Variants in ADRA1A observed in about 807,000 individuals in gnomAD.
ADRA1A encodes alpha-1A adrenergic receptor.
ADRA1A carries 31 observed loss-of-function variants against 29.6 expected under a neutral mutation model. The ratio of observed to expected loss-of-function variants is 1.05; its 90% CI spans 0.79 to 1.41. The LOEUF (loss-of-function observed/expected upper bound fraction) is 1.41, where lower values mean the gene tolerates loss of function less well. Among genes scored for constraint, ADRA1A ranks in the 40% most tolerant of loss-of-function variants. ADRA1A has a pLI of 0.00. For synonymous variants in ADRA1A, 311 were observed against 254.3 expected (o/e 1.22, Z -2.12); for missense variants, 619 against 601.1 (o/e 1.03, Z -0.31).
chr8:26,856,375 A>T (rs2130769344), intron 2 of ADRA1A, among the ~76,000 whole-genome samples: 1 of 152,354 alleles, frequency 6.6e-6, no homozygotes, highest in Middle Eastern at 3.4e-3. Flanking sequence ...TAAGCCTTTG[A>T]TAATCTTGAA....
At chr8:26,760,151 C>G (rs1236357494) in intron 2 of ADRA1A, among the ~76,000 whole-genome samples, 1 of 152,188 alleles carries the variant, frequency 6.6e-6, no homozygotes, top group Non-Finnish European at 1.5e-5. Flanking sequence ...TCAGCAGGAA[C>G]CAGGACAGAA....
chr8:26,756,496 G>T, exon 3 of ADRA1A: 3 of 1,513,130 alleles, frequency 2.0e-6, no homozygotes, highest in Non-Finnish European at 2.7e-6. Context: ...CGAGCTATTT[G>T]TCCCTGAAGG....
rs2036108 is a variant in ADRA1A at position 26,805,583 on chromosome 8, C to T, written c.884-34917G>A. ...AAGACATTAGTGTTATTACAGATTA[C>T]GAAACAGGCATGAGAGGCTAAGTAA... On this transcript the variant is annotated intron_variant, in intron 2 of 2. Transcript: ENST00000380573. This position sits in a 1 kb window ranked among gnomAD's most constrained non-coding sequence, Gnocchi z 4.8. Among the ~76,000 whole-genome samples, 37,850 of 152,074 alleles carry T rather than the reference C, an allele frequency of 0.25. 5,005 individuals are homozygous for T. Among genetic ancestry groups the T allele is most frequent in the East Asian group, 0.33 (1,728 of 5,164 alleles).
At chr8:26,856,076 C>T (rs1224523120) in intron 2 of ADRA1A, among the ~76,000 whole-genome samples, 5 of 152,166 alleles carry the variant, frequency 3.3e-5, no homozygotes, top group South Asian at 2.1e-4. Flanking sequence ...GCCTGCAGCA[C>T]GTTCTTTTGA....
chr8:26,864,608 G>C lies in ADRA1A; in HGVS notation c.362C>G (p.Ser121Cys). 1 of 1,614,182 alleles carries C rather than the reference G, an allele frequency of 6.2e-7. No homozygotes were observed. Residue 121 changes from serine to cysteine, a missense_variant, in exon 2 of 3, where the codon TCC becomes TGC. Physicochemically the swap from Ser to Cys is moderately radical, Grantham distance 112 (BLOSUM62 -1). Transcript: ENST00000380573. The surrounding 1 kb of genome is among the most constrained non-coding windows in gnomAD (Gnocchi z 8.1). ...GCTCACGCCGATGTAGCGGTCGATG[G>C]AGATGATGCAGAGGCCCATGATGGA... ...TASIMGLCIISIDRYIGVSYP... is the reference protein window; with the variant it reads ...TASIMGLCIICIDRYIGVSYP...
chr8:26,863,468 T>C (rs556070990), intron 2 of ADRA1A, among the ~76,000 whole-genome samples: 13 of 152,248 alleles, frequency 8.5e-5, no homozygotes, highest in Non-Finnish European at 1.9e-4. Flanking sequence ...GGAAATACTA[T>C]GATTAATTAT....
At chr8:26,801,801 A>G (rs902460394) in intron 2 of ADRA1A, among the ~76,000 whole-genome samples, 1 of 152,214 alleles carries the variant, frequency 6.6e-6, no homozygotes, top group African/African-American at 2.4e-5. Context: ...TCCAGAGCAA[A>G]AAGATCAAAA....
intron 2 of ADRA1A, among the ~76,000 whole-genome samples, chr8:26,827,424 T>C (rs1025832415): frequency 6.6e-6 from 1 of 152,330 alleles, no homozygotes; most frequent in African/African-American, 2.4e-5. Flanking sequence ...TAACAAGATG[T>C]CCTAAACTAG....
At chr8:26,850,058 G>T (rs1281240092) in intron 2 of ADRA1A, among the ~76,000 whole-genome samples, 1 of 53,278 alleles carries the variant, frequency 1.9e-5, no homozygotes, top group Non-Finnish European at 4.0e-5. Flanking sequence ...AAAAAAAACA[G>T]GGCAGGTATA....
chr8:26,807,347 T>C (rs943677187), intron 2 of ADRA1A, among the ~76,000 whole-genome samples: 2 of 152,190 alleles, frequency 1.3e-5, no homozygotes, highest in Non-Finnish European at 2.9e-5. Context: ...GACAAGCACA[T>C]GGGTGGCTAA....
chr8:26,861,212 C>T (rs1479650850), intron 2 of ADRA1A, among the ~76,000 whole-genome samples: 2 of 151,988 alleles, frequency 1.3e-5, no homozygotes, highest in South Asian at 4.2e-4. Flanking sequence ...ACATCACATT[C>T]TCCTGATTTT....
intron 2 of ADRA1A, among the ~76,000 whole-genome samples, chr8:26,840,371 C>G (rs1811729315): frequency 6.6e-6 from 1 of 152,096 alleles, no homozygotes; most frequent in Admixed American, 6.5e-5. Context: ...CCGGGAGATC[C>G]ATATTGACAC....
rs1366496359 is a variant in ADRA1A at position 26,769,162 on chromosome 8, T to C, written c.*987A>G. On this transcript the variant is annotated 3_prime_UTR_variant, in exon 3 of 3. Transcript: ENST00000380573. ...CAATCTTTTGCCTTTCAAAATATTA[T>C]AAGCTCTGGATTTTCATAACAGAGT... 2 of 985,344 alleles carry C rather than the reference T, an allele frequency of 2.0e-6. No individual in the cohort carries two copies. Among genetic ancestry groups the C allele is most frequent in the African/African-American group, 1.7e-5 (1 of 57,246 alleles). 61.0% of individuals were successfully genotyped at this position (985,344 alleles called of 1,614,324 possible). A position where few individuals can be genotyped will look rare whatever the true frequency, so the allele number is the denominator to read the frequency against.
At chr8:26,844,211 A>G (rs551465663) in intron 2 of ADRA1A, among the ~76,000 whole-genome samples, 1 of 152,188 alleles carries the variant, frequency 6.6e-6, no homozygotes, top group Non-Finnish European at 1.5e-5. Flanking sequence ...TGTAAAATAT[A>G]AAATCTACAA....
At chr8:26,754,374 A>T (rs1805057225), downstream of ADRA1A, among the ~76,000 whole-genome samples, 1 of 151,978 alleles carries the variant, frequency 6.6e-6, no homozygotes, top group Non-Finnish European at 1.5e-5. Context: ...TTTTTTTTTT[A>T]AATGGAAGGA....
intron 2 of ADRA1A, among the ~76,000 whole-genome samples, chr8:26,829,435 A>G (rs1172792719): frequency 1.3e-5 from 2 of 152,200 alleles, no homozygotes; most frequent in Non-Finnish European, 2.9e-5. Context: ...AGATATGGCA[A>G]AGATCCCAAT....
chr8:26,770,125 CCTTTCCTCTGCAT>C lies in ADRA1A; in HGVS notation c.*11_*23del. ...TGGGGTGGGTACCTAAGATTATTCC[CCTTTCCTCTGCAT>C]CTTTCCTGTCCTAGACTTCCTCCCC... is the stretch of plus-strand genomic sequence containing the variant. On this transcript the variant is annotated 3_prime_UTR_variant, in exon 3 of 3. Transcript: ENST00000380573. 2 of 1,525,200 alleles carry C rather than the reference CCTTTCCTCTGCAT, an allele frequency of 1.3e-6. No individual in the cohort carries two copies. The highest frequency in any genetic ancestry group is 1.8e-6 in the Non-Finnish European group (2 of 1,137,522). The allele number at this position is 1,525,200 out of a possible 1,614,324, so 94.5% of individuals were successfully genotyped here.
chr8:26,858,856 T>C (rs553063234), intron 2 of ADRA1A, among the ~76,000 whole-genome samples: 2 of 152,218 alleles, frequency 1.3e-5, no homozygotes, highest in African/African-American at 4.8e-5. Flanking sequence ...GATGCAAAAA[T>C]GGAACAAGAT....
At position 26,831,170 on chromosome 8, in the gene ADRA1A, T is replaced by G. The variant is rs1037463048; in HGVS notation, c.883+32917A>C. 6.6e-6 allele frequency among the ~76,000 whole-genome samples: 1 copy of G among 152,194 alleles called. No homozygotes were observed. The highest frequency in any genetic ancestry group is 2.4e-5 in the African/African-American group (1 of 41,442). ...AAGATCCCCTGCTGACTTGTCAAAC[T>G]CTCATATGGATGTTAAGAAGATTAA... On this transcript the variant is annotated intron_variant, in intron 2 of 2. Transcript: ENST00000380573. The surrounding 1 kb of genome is among the most constrained non-coding windows in gnomAD (Gnocchi z 5.2).
Sources: gnomAD v4.1 joint callset for allele counts (sites outside exome capture counted in the v4.1 genomes callset) on GRCh38, gnomAD v4.1.1 for gene constraint, Gnocchi (gnomAD v3.1) non-coding constraint, MANE v1.5 for transcripts, NCBI Gene and HGNC (gene_info 2026-07-23, HGNC 2026-07-21) for gene names.